Variants in GALNT2 observed in about 807,000 individuals in gnomAD.
The protein encoded by GALNT2 is polypeptide N-acetylgalactosaminyltransferase 2.
In GALNT2, 31 loss-of-function variants were observed where a neutral mutation model predicts 81.4. That is an observed-to-expected ratio of 0.38 (90% CI 0.29 to 0.51). The LOEUF is 0.51. Ranked by LOEUF, GALNT2 falls within the 20% of genes least tolerant of loss-of-function variation. The pLI, the probability that GALNT2 is intolerant of heterozygous loss-of-function variation, is 0.87. For synonymous variants in GALNT2, 303 were observed against 287.4 expected (o/e 1.05, Z -0.55); for missense variants, 629 against 765.7 (o/e 0.82, Z 2.11).
chr1:230,262,978 A>G lies in GALNT2; in HGVS notation c.1286A>G (p.Tyr429Cys). Residue 429 changes from tyrosine (Y) to cysteine (C), a missense_variant, in exon 13 of 16, where the codon TAC (tyrosine) becomes TGC (cysteine). Tyr to Cys is a radical substitution (Grantham distance 194). Around this residue, in one of 3 missense-constraint regions of GALNT2, gnomAD observed 207 missense variants for 225.5 expected, o/e 0.92. Coordinates refer to ENST00000366672, the MANE Select transcript of GALNT2 (RefSeq NM_004481.5). The stretch of plus-strand genomic sequence containing the variant: ...CTCAGCTGCAAGCCTTTCAAATGGT[A>G]CCTTGAAAATGTCTATCCAGAGTTA... The part of the protein sequence containing the change: ...KKLSCKPFKW[Y>C]LENVYPELRV... 6.2e-7 allele frequency: 1 copy of G among 1,614,118 alleles called. No individual in the cohort carries two copies. The highest frequency in any genetic ancestry group is 8.5e-7 in the Non-Finnish European group (1 of 1,179,950).
chr1:230,225,228 T>C (rs1027712376), intron 3 of GALNT2, among the ~76,000 whole-genome samples: 6 of 152,246 alleles, frequency 3.9e-5, no homozygotes, highest in African/African-American at 1.4e-4. Flanking sequence ...CTAATGAACT[T>C]TTTTCCATTT....
rs1299140960 is a variant in GALNT2 at position 230,280,161 on chromosome 1, G to T, written c.*703G>T. On this transcript the variant is annotated 3_prime_UTR_variant, in exon 16 of 16. Transcript: ENST00000366672. The stretch of plus-strand genomic sequence containing the variant: ...ACAAAGCCGTTCGCAGCTTCCGGGA[G>T]AAGGGGCCAGAGCCCGGTGGGGCCA... 2.6e-6 allele frequency: 1 copy of T among 377,968 alleles called. No individual in the cohort carries two copies. The highest frequency in any genetic ancestry group is 5.3e-6 in the Non-Finnish European group (1 of 188,982). The allele number at this position is 377,968 out of a possible 1,614,324, so 23.4% of individuals were successfully genotyped here. A position where few individuals can be genotyped will look rare whatever the true frequency, so the allele number is the denominator to read the frequency against.
intron 6 of GALNT2, among the ~76,000 whole-genome samples, chr1:230,238,602 T>C (rs1572123035): frequency 6.6e-6 from 1 of 152,370 alleles, no homozygotes; most frequent in African/African-American, 2.4e-5. Flanking sequence ...GATAAATCTT[T>C]TTCTCTGCAT....
At chr1:230,092,185 T>TGTTTTTTTTTTTTTG (rs371156205) in intron 1 of GALNT2, among the ~76,000 whole-genome samples, 38,162 of 113,304 alleles carry the variant, frequency 0.34, 5,080 homozygotes, top group African/African-American at 0.37. Context: ...AGTTTTTTTT[T>TGTTTTTTTTTTTTTG]TTTTTTTTTT....
rs983533728 is a variant in GALNT2 at position 230,280,297 on chromosome 1, C to T, written c.*839C>T. On this transcript the variant is annotated 3_prime_UTR_variant, in exon 16 of 16. Transcript: ENST00000366672. The stretch of plus-strand genomic sequence containing the variant: ...TCCTCCAGACCACCGGCCTCGGCCC[C>T]GGCATCCCTGTTGGGCGTCAGCCTG... 11 of 294,040 alleles carry T rather than the reference C, an allele frequency of 3.7e-5. No homozygotes were observed. The highest frequency in any genetic ancestry group is 1.6e-4 in the East Asian group (2 of 12,788). The allele number at this position is 294,040 out of a possible 1,614,324, so 18.2% of individuals were successfully genotyped here.
intron 13 of GALNT2, chr1:230,264,090 A>G (rs1032708180): frequency 3.9e-5 from 6 of 152,358 alleles, no homozygotes; most frequent in African/African-American, 1.4e-4. Context: ...AGAGCACCAG[A>G]TGGTCACCAG....
chr1:230,187,518 C>G (rs1047507746), intron 2 of GALNT2, among the ~76,000 whole-genome samples: 4 of 152,140 alleles, frequency 2.6e-5, no homozygotes, highest in Non-Finnish European at 4.4e-5. Flanking sequence ...CTACCTGTGA[C>G]CCCTGGAGCC....
At chr1:230,144,511 T>C (rs1661850350) in intron 1 of GALNT2, among the ~76,000 whole-genome samples, 1 of 152,214 alleles carries the variant, frequency 6.6e-6, no homozygotes. Context: ...AATAATTATG[T>C]CGACTTCAGT....
intron 1 of GALNT2, among the ~76,000 whole-genome samples, chr1:230,059,428 A>G (rs971365790): frequency 2.6e-5 from 4 of 152,220 alleles, no homozygotes; most frequent in Admixed American, 2.0e-4. Flanking sequence ...TCATTACCTT[A>G]CCTGTAAACA....
At chr1:230,135,014 A>C (rs1390796577) in intron 1 of GALNT2, among the ~76,000 whole-genome samples, 1 of 152,226 alleles carries the variant, frequency 6.6e-6, no homozygotes, top group Non-Finnish European at 1.5e-5. Context: ...GAGTGTTTCA[A>C]ATCATCTAAA....
At position 230,280,177 on chromosome 1, in the gene GALNT2, G is replaced by A. The variant is rs895236752; in HGVS notation, c.*719G>A. ...CTTCCGGGAGAAGGGGCCAGAGCCC[G>A]GTGGGGCCAGTTTCTCACAGAGGGA... On this transcript the variant is annotated 3_prime_UTR_variant, in exon 16 of 16. Transcript: ENST00000366672. 2.7e-6 allele frequency: 1 copy of A among 364,950 alleles called. No individual in the cohort carries two copies. The highest frequency in any genetic ancestry group is 5.4e-6 in the Non-Finnish European group (1 of 184,358). The allele number at this position is 364,950 out of a possible 1,614,324, so 22.6% of individuals were successfully genotyped here.
rs1162598295 is a variant in GALNT2 at position 230,067,359 on chromosome 1, G to A, written c.79G>A (p.Gly27Ser). 7 of 1,368,084 alleles carry A rather than the reference G, an allele frequency of 5.1e-6. No individual in the cohort carries two copies. Among genetic ancestry groups the A allele is most frequent in the Non-Finnish European group, 4.8e-6 (5 of 1,048,402 alleles). The allele number at this position is 1,368,084 out of a possible 1,614,324, so 84.7% of individuals were successfully genotyped here. Residue 27 changes from glycine (G) to serine (S), a missense_variant, in exon 1 of 16, where the codon GGC becomes AGC. Physicochemically the swap from Gly to Ser is moderately conservative, Grantham distance 56. Transcript: ENST00000366672. Reference protein sequence around the residue: ...LGIAYYMYSGGGSALAGGAGG... With the variant: ...LGIAYYMYSGSGSALAGGAGG... Reference sequence around the variant, plus strand: ...CATCGCCTACTACATGTACTCGGGGGGCGGCTCTGCGCTGGCCGGGGGCGC... The same window carrying A: ...CATCGCCTACTACATGTACTCGGGGAGCGGCTCTGCGCTGGCCGGGGGCGC...
rs1427061270 is a variant in GALNT2 at position 230,187,872 on chromosome 1, C to CTG, written c.220+9561_220+9562insTG. Among the ~76,000 whole-genome samples, 11 of 151,472 alleles carry CTG rather than the reference C, an allele frequency of 7.3e-5. 1 individual carries two copies. The highest frequency in any genetic ancestry group is 1.9e-4 in the African/African-American group (8 of 41,304). On this transcript the variant is annotated intron_variant, in intron 2 of 15. Coordinates refer to ENST00000366672, the MANE Select transcript of GALNT2 (RefSeq NM_004481.5). ...CTGAAATCAAGCTGATTCTCTCCAA[C>CTG]ATCCGGCTGTTTCTTCTCTCCTTCT...
At chr1:230,220,905 C>A (rs918656466) in intron 3 of GALNT2, among the ~76,000 whole-genome samples, 2 of 152,172 alleles carry the variant, frequency 1.3e-5, no homozygotes, top group African/African-American at 4.8e-5. Flanking sequence ...ACGCAGTGGG[C>A]TGTTAGCAAG....
At chr1:230,104,145 T>TC (rs2102781235) in intron 1 of GALNT2, among the ~76,000 whole-genome samples, 1 of 152,208 alleles carries the variant, frequency 6.6e-6, no homozygotes, top group African/African-American at 2.4e-5. Flanking sequence ...TCCAAAGGAG[T>TC]CAGCAGGCTG....
At position 230,255,326 on chromosome 1, in the gene GALNT2, G is replaced by C; in HGVS notation, c.1118G>C (p.Ser373Thr). The change falls in exon 11 of 16, where the codon AGT (serine) becomes ACT (threonine). Residue 373 changes from serine (S) to threonine (T), a missense_variant. Ser to Thr is a moderately conservative substitution (Grantham distance 58, BLOSUM62 1). Transcript: ENST00000366672. ...KQHPYTFPGG[S>T]GTVFARNTRR... ...CACCCCTACACGTTCCCGGGTGGCA[G>C]TGGCACTGTCTTTGCCCGGTAAGTA... 1 of 1,614,262 alleles carries C rather than the reference G, an allele frequency of 6.2e-7. No homozygotes were observed. The highest frequency in any genetic ancestry group is 8.5e-7 in the Non-Finnish European group (1 of 1,180,056).
At chr1:230,062,658 C>T (rs2983377), upstream of GALNT2, among the ~76,000 whole-genome samples, 1 of 152,158 alleles carries the variant, frequency 6.6e-6, no homozygotes, top group Non-Finnish European at 1.5e-5. Context: ...TTGTCCTCAA[C>T]GTTCATCCAT....
chr1:230,157,739 A>G (rs1350176574), intron 1 of GALNT2, among the ~76,000 whole-genome samples: 1 of 152,242 alleles, frequency 6.6e-6, no homozygotes, highest in South Asian at 2.1e-4. Context: ...CAAAGGCTAC[A>G]TACTGTATAC....
intron 1 of GALNT2, chr1:230,058,195 G>A (rs1376225454): frequency 2.2e-6 from 1 of 444,460 alleles, no homozygotes; most frequent in South Asian, 1.6e-5. Context: ...TCCTTCCTAG[G>A]CCCAACTCTC....
Sources: allele counts gnomAD v4.1 joint callset (sites outside exome capture counted in the v4.1 genomes callset), GRCh38; gene constraint gnomAD v4.1.1; regional missense constraint gnomAD v4.1.1; transcripts MANE v1.5; gene names NCBI Gene and HGNC (gene_info 2026-07-23, HGNC 2026-07-21).